Variants in RABGAP1L observed in about 807,000 individuals in gnomAD.
RABGAP1L encodes the protein RAB GTPase activating protein 1 like.
In RABGAP1L, 63 loss-of-function variants were observed where a neutral mutation model predicts 137.7. That is an observed-to-expected ratio of 0.46 (90% CI 0.37 to 0.56). The LOEUF (loss-of-function observed/expected upper bound fraction) is 0.56, where lower values mean the gene tolerates loss of function less well. RABGAP1L is among the 20% of genes least tolerant of loss of function. The probability of loss-of-function intolerance (pLI) is 0.00; values close to 1 mark genes in which losing one functional copy is unlikely to be tolerated. For missense variants in RABGAP1L, 1,095 were observed against 1,244.0 expected, an observed-to-expected ratio of 0.88 and a Z score of 1.80; for synonymous variants, 431 against 433.7, an observed-to-expected ratio of 0.99 and a Z score of 0.08.
intron 9 of RABGAP1L, 89 bp from the exon 10 acceptor site, chr1:174,278,523 AC>A (rs1483063838): frequency 3.0e-6 from 3 of 1,006,528 alleles, no homozygotes; most frequent in Non-Finnish European, 4.5e-6. Context: ...ATTGTAAAGA[AC>A]TTTAATTCTT....
At chr1:174,907,566 C>T (rs760281635) in intron 19 of RABGAP1L, among the ~76,000 whole-genome samples, 4 of 152,092 alleles carry the variant, frequency 2.6e-5, no homozygotes, top group Admixed American at 6.6e-5. Context: ...CCACCCACCT[C>T]GGCCTCCCAA....
At chr1:174,724,904 C>T (rs958388549) in intron 17 of RABGAP1L, among the ~76,000 whole-genome samples, 1 of 152,084 alleles carries the variant, frequency 6.6e-6, no homozygotes, top group African/African-American at 2.4e-5. Flanking sequence ...GGAGAAATCA[C>T]GGTGATGAGT....
intron 13 of RABGAP1L, among the ~76,000 whole-genome samples, chr1:174,478,189 C>T (rs908996358): frequency 6.6e-6 from 1 of 151,912 alleles, no homozygotes; most frequent in African/African-American, 2.4e-5. Context: ...ATTTTTACCC[C>T]ACCTTATTTC....
At chr1:174,680,053 A>G (rs570451322) in intron 14 of RABGAP1L, among the ~76,000 whole-genome samples, 1 of 152,362 alleles carries the variant, frequency 6.6e-6, no homozygotes, top group African/African-American at 2.4e-5. Flanking sequence ...ACCATAAAAG[A>G]CAAAAACTAT....
chr1:174,950,605 A>G (rs1667561554), intron 19 of RABGAP1L, among the ~76,000 whole-genome samples: 1 of 152,224 alleles, frequency 6.6e-6, no homozygotes, highest in African/African-American at 2.4e-5. Context: ...CCTTGCAAAA[A>G]TAACTGTGAC....
At position 174,328,002 on chromosome 1, in the gene RABGAP1L, T is replaced by TACAC. The variant is rs1558136395; in HGVS notation, c.1465+22876_1465+22877insCACA. Among the ~76,000 whole-genome samples the TACAC allele has an allele frequency of 5.7e-4, 70 of 122,974 alleles. 1 individual carries two copies. The highest frequency in any genetic ancestry group is 2.9e-3 in the African/African-American group (68 of 23,222). 80.7% of individuals were successfully genotyped at this position (122,974 alleles called of 152,430 possible). ...ATACACACACATATATATATATATA[T>TACAC]ATATATATATATATATATATATACC... On this transcript the variant is annotated intron_variant, in intron 11 of 25. Coordinates refer to ENST00000681986, the MANE Select transcript of RABGAP1L (RefSeq NM_001366446.1).
intron 13 of RABGAP1L, among the ~76,000 whole-genome samples, chr1:174,632,558 A>G (rs1361332622): frequency 7.3e-5 from 11 of 150,360 alleles, no homozygotes; most frequent in South Asian, 4.2e-4. Flanking sequence ...GTCTTTTCAC[A>G]TAGTCGCATA....
chr1:174,221,295 G>A, intron 3 of RABGAP1L, 131 bp downstream of exon 3: 2 of 720,106 alleles, frequency 2.8e-6, no homozygotes, highest in Non-Finnish European at 4.3e-6. Flanking sequence ...TTCCACTTCG[G>A]TGTTATGTTT....
chr1:174,493,026 C>A (rs913801121), intron 13 of RABGAP1L, among the ~76,000 whole-genome samples: 5 of 151,284 alleles, frequency 3.3e-5, no homozygotes, highest in African/African-American at 1.2e-4. Context: ...GTCTCTTTTT[C>A]ATCATTGTTG....
chr1:174,804,162 C>G (rs1302481550), intron 18 of RABGAP1L, among the ~76,000 whole-genome samples: 1 of 151,660 alleles, frequency 6.6e-6, no homozygotes, highest in Non-Finnish European at 1.5e-5. Context: ...AGAGTCCATA[C>G]TCTGTAAGTG....
intron 12 of RABGAP1L, among the ~76,000 whole-genome samples, chr1:174,379,784 T>A (rs1298384997): frequency 1.8e-5 from 1 of 55,830 alleles, no homozygotes; most frequent in Non-Finnish European, 3.4e-5. Flanking sequence ...TTTATTTCCT[T>A]CTCCTGCCTA....
intron 19 of RABGAP1L, among the ~76,000 whole-genome samples, chr1:174,944,505 C>G (rs557272556): frequency 1.3e-5 from 2 of 151,974 alleles, no homozygotes; most frequent in African/African-American, 4.8e-5. Context: ...GGCTTGGTGA[C>G]TTACACCTGT....
At chr1:174,598,080 C>G (rs1044018029) in intron 13 of RABGAP1L, among the ~76,000 whole-genome samples, 18 of 151,974 alleles carry the variant, frequency 1.2e-4, no homozygotes, top group African/African-American at 4.4e-4. Context: ...GCTGTAATCC[C>G]AGAACTTTGA....
intron 17 of RABGAP1L, 54 bp from the exon 18 acceptor site, chr1:174,752,259 T>C: frequency 7.8e-7 from 1 of 1,278,554 alleles, no homozygotes; most frequent in African/African-American, 1.5e-5. Context: ...GGGGAAATAA[T>C]AAAATAGTGA....
At chr1:174,575,979 T>C (rs1457469222) in intron 13 of RABGAP1L, among the ~76,000 whole-genome samples, 5 of 152,222 alleles carry the variant, frequency 3.3e-5, no homozygotes, top group African/African-American at 9.6e-5. Flanking sequence ...GAAGTAATTC[T>C]TTAACATAAC....
intron 7 of RABGAP1L, among the ~76,000 whole-genome samples, chr1:174,268,292 C>CG (rs1674249878): frequency 1.3e-5 from 2 of 151,464 alleles, no homozygotes; most frequent in South Asian, 4.2e-4. Context: ...CTCTGCCTCC[C>CG]GGGTTCACGC....
intron 7 of RABGAP1L, among the ~76,000 whole-genome samples, chr1:174,266,561 T>C (rs1444895912): frequency 6.6e-6 from 1 of 152,198 alleles, no homozygotes; most frequent in Non-Finnish European, 1.5e-5. Context: ...TCTGTTACCA[T>C]AGTATATTAA....
chr1:174,895,801 C>T (rs528493904), intron 19 of RABGAP1L, among the ~76,000 whole-genome samples: 2 of 152,266 alleles, frequency 1.3e-5, no homozygotes, highest in East Asian at 3.9e-4. Context: ...CATAGTATTC[C>T]ATGGTATATA....
intron 10 of RABGAP1L, among the ~76,000 whole-genome samples, chr1:174,304,624 T>C (rs1388093964): frequency 6.6e-6 from 1 of 152,148 alleles, no homozygotes; most frequent in Admixed American, 6.6e-5. Context: ...GTAAAAATTC[T>C]TTGAGCTATA....
Sources: gnomAD v4.1 joint callset for allele counts (sites outside exome capture counted in the v4.1 genomes callset) on GRCh38, gnomAD v4.1.1 for gene constraint, MANE v1.5 for transcripts, NCBI Gene and HGNC (gene_info 2026-07-23, HGNC 2026-07-21) for gene names.